Variants in CAT observed in about 807,000 individuals in gnomAD.
CAT encodes catalase, also known as epididymis secretory sperm binding protein.
A neutral mutation model predicts 59.0 loss-of-function variants in CAT; 43 were observed. The ratio of observed to expected loss-of-function variants is 0.73; its 90% confidence interval spans 0.57 to 0.94. The LOEUF is 0.94. CAT is among the 40% of genes least tolerant of loss of function. CAT has a pLI of 0.00. For missense variants in CAT, 664 were observed against 682.9 expected (o/e 0.97, Z 0.31); for synonymous variants, 218 against 230.9 (o/e 0.94, Z 0.51).
intron 8 of CAT, chr11:34,460,780 C>A: frequency 4.2e-6 from 1 of 240,630 alleles, no homozygotes; most frequent in African/African-American, 2.3e-5. Context: ...GAAGAATTTC[C>A]CATGCTGTTG....
Position 34,439,064 on chromosome 11 carries a change from G to T in CAT, c.51G>T (p.Glu17Asp). ...GCGACCAGATGCAGCACTGGAAGGA[G>T]CAGCGGGCCGCGCAGGTACACTCTG... ...PASDQMQHWK[E>D]QRAAQKADVL... The change falls in exon 1 of 13, where the codon GAG (glutamate) becomes GAT (aspartate). Residue 17 changes from glutamate to aspartate, a missense_variant. Coordinates refer to ENST00000241052, the MANE Select transcript of CAT (RefSeq NM_001752.4). The T allele has an allele frequency of 1.3e-6, 2 of 1,593,634 alleles. No individual in the cohort carries two copies. Among genetic ancestry groups the T allele is most frequent in the East Asian group, 2.3e-5 (1 of 43,696 alleles).
At chr11:34,460,824 C>A (rs529117071) in intron 8 of CAT, 97 of 259,204 alleles carry the variant, frequency 3.7e-4, no homozygotes, top group South Asian at 3.7e-3. Flanking sequence ...TTGTAAAGAG[C>A]AAATGATTGG....
intron 9 of CAT, among the ~76,000 whole-genome samples, chr11:34,463,445 C>A (rs1361027586): frequency 6.6e-6 from 1 of 152,094 alleles, no homozygotes; most frequent in Non-Finnish European, 1.5e-5. Context: ...AGGAGAGATA[C>A]CCTGAGAATC....
intron 10 of CAT, among the ~76,000 whole-genome samples, chr11:34,467,909 G>A (rs1410010955): frequency 6.6e-6 from 1 of 152,010 alleles, no homozygotes; most frequent in Non-Finnish European, 1.5e-5. Flanking sequence ...AGCTAAATTA[G>A]TTAATTTTCC....
chr11:34,465,479 C>A (rs1409842823), intron 10 of CAT, among the ~76,000 whole-genome samples: 3 of 152,128 alleles, frequency 2.0e-5, no homozygotes, highest in Admixed American at 2.0e-4. Context: ...ACATTCCCTG[C>A]CTCTCAAAGA....
chr11:34,464,040 G>A, intron 9 of CAT, 65 bp from the exon 10 acceptor site: 1 of 1,531,044 alleles, frequency 6.5e-7, no homozygotes, highest in Non-Finnish European at 9.1e-7. Context: ...TCATCACAGT[G>A]ATTATTTGCA....
chr11:34,466,410 G>T (rs1856717755), intron 10 of CAT, among the ~76,000 whole-genome samples: 1 of 152,208 alleles, frequency 6.6e-6, no homozygotes, highest in South Asian at 2.1e-4. Context: ...ACTGACAGTA[G>T]AAACAAACCT....
Position 34,452,193 on chromosome 11 carries a change from A to G in CAT, c.466A>G (p.Arg156Gly). 1 of 1,611,518 alleles carries G rather than the reference A, an allele frequency of 6.2e-7. No individual in the cohort carries two copies. The change falls in exon 4 of 13, where the codon AGG (arginine) becomes GGG (glycine). Residue 156 changes from arginine to glycine, a missense_variant. Coordinates refer to ENST00000241052, the MANE Select transcript of CAT (RefSeq NM_001752.4). Reference sequence around the variant, plus strand: ...AAATAACACCCCCATTTTCTTCATCAGGGATCCCATATTGGTAGGTAATAG... The same window carrying G: ...AAATAACACCCCCATTTTCTTCATCGGGGATCCCATATTGGTAGGTAATAG... The part of the protein sequence containing the change: ...VGNNTPIFFI[R>G]DPILFPSFIH...
At chr11:34,464,690 A>G (rs1856693341) in intron 10 of CAT, among the ~76,000 whole-genome samples, 1 of 151,568 alleles carries the variant, frequency 6.6e-6, no homozygotes, top group Admixed American at 6.6e-5. Context: ...CTTATTCTCC[A>G]TCTGTCTGCT....
chr11:34,466,573 C>G (rs1205180953), intron 10 of CAT, among the ~76,000 whole-genome samples: 1 of 151,700 alleles, frequency 6.6e-6, no homozygotes. Flanking sequence ...GTCAGGAGAT[C>G]AAGACCATCC....
rs764756251 is a variant in CAT at position 34,449,313 on chromosome 11, A to G, written c.188A>G (p.His63Arg). 2.8e-5 allele frequency: 46 copies of G among 1,614,080 alleles called. 1 individual carries two copies. In the South Asian group the frequency reaches 4.8e-4, roughly 17 times the overall value. ...GTGGTTTTCACTGATGAAATGGCTC[A>G]TTTTGACCGAGAGAGAATTCCTGAG... Reference protein sequence around the residue: ...QDVVFTDEMAHFDRERIPERV... With the variant: ...QDVVFTDEMARFDRERIPERV... The change falls in exon 2 of 13, where the codon CAT (histidine) becomes CGT (arginine). Residue 63 changes from histidine to arginine, a missense_variant. By Grantham distance (29) the His-to-Arg change is conservative (BLOSUM62 0). Transcript: ENST00000241052.
At chr11:34,446,349 A>G (rs1333025498) in intron 1 of CAT, among the ~76,000 whole-genome samples, 2 of 152,198 alleles carry the variant, frequency 1.3e-5, no homozygotes, top group Non-Finnish European at 2.9e-5. Context: ...TGAAGCCTCC[A>G]TTTGTAACTT....
At chr11:34,460,203 G>A (rs568870320) in intron 8 of CAT, among the ~76,000 whole-genome samples, 293 of 152,306 alleles carry the variant, frequency 1.9e-3, no homozygotes, top group South Asian at 0.012. Flanking sequence ...TAGATATTAA[G>A]ATTAATGCAG....
rs1451929003 is a variant in CAT, at chr11:34,449,227, A to G, written c.102A>G (p.Pro34=). ...ADVLTTGAGN[P]VGDKLNVITV... Reference sequence around the variant, plus strand: ...TCCTGACCACTGGAGCTGGTAACCCAGTAGGAGACAAACTTAATGTTATTA... The same window carrying G: ...TCCTGACCACTGGAGCTGGTAACCCGGTAGGAGACAAACTTAATGTTATTA... The change falls in exon 2 of 13, where the codon CCA becomes CCG. Residue 34 remains proline (P), a synonymous_variant. Coordinates refer to ENST00000241052, the MANE Select transcript of CAT (RefSeq NM_001752.4). 1.9e-6 allele frequency: 3 copies of G among 1,614,078 alleles called. No individual in the cohort carries two copies. Among genetic ancestry groups the G allele is most frequent in the Non-Finnish European group, 8.5e-7 (1 of 1,180,004 alleles).
At chr11:34,471,133 GGGCC>G in intron 12 of CAT, 92 bp downstream of exon 12, 1 of 1,104,396 alleles carries the variant, frequency 9.1e-7, no homozygotes, top group Non-Finnish European at 1.4e-6. Flanking sequence ...CAGTCTGCAG[GGGCC>G]ATTACCTGCC....
Position 34,471,639 on chromosome 11 carries a change from A to C in CAT, c.*206A>C. ...GAAGGTTAGGATTTAACAGTCATTTAAAAAAAAAATTTGTTTTGACGGATG... is the reference window on the plus strand; with the variant it reads ...GAAGGTTAGGATTTAACAGTCATTTCAAAAAAAAATTTGTTTTGACGGATG... On this transcript the variant is annotated 3_prime_UTR_variant, in exon 13 of 13. Coordinates refer to ENST00000241052, the MANE Select transcript of CAT (RefSeq NM_001752.4). 2.1e-6 allele frequency: 1 copy of C among 465,734 alleles called. No individual in the cohort carries two copies. Among genetic ancestry groups the C allele is most frequent in the Non-Finnish European group, 3.9e-6 (1 of 255,882 alleles). 28.9% of individuals were successfully genotyped at this position (465,734 alleles called of 1,614,324 possible).
chr11:34,448,109 C>T (rs11032703), intron 1 of CAT, among the ~76,000 whole-genome samples: 12,565 of 152,212 alleles, frequency 0.083, 718 homozygotes, highest in Non-Finnish European at 0.12. Flanking sequence ...TTTGTAAGTG[C>T]CTACTCCCCA....
intron 10 of CAT, among the ~76,000 whole-genome samples, chr11:34,466,175 G>A (rs1300462462): frequency 6.6e-6 from 1 of 152,202 alleles, no homozygotes; most frequent in African/African-American, 2.4e-5. Context: ...TCACAATACA[G>A]GAAACATAAC....
At chr11:34,456,592 T>C in intron 7 of CAT, 73 bp from the exon 8 acceptor site, 1 of 1,345,234 alleles carries the variant, frequency 7.4e-7, no homozygotes, top group South Asian at 1.2e-5. Context: ...ATTTGAAATC[T>C]GGTATTTTTG....
Sources: allele counts gnomAD v4.1 joint callset (sites outside exome capture counted in the v4.1 genomes callset), GRCh38; gene constraint gnomAD v4.1.1; transcripts MANE v1.5; gene names NCBI Gene and HGNC (gene_info 2026-07-23, HGNC 2026-07-21).